VWA5B2: variants seen among roughly 807,000 people sequenced by gnomAD.
VWA5B2 encodes the protein von Willebrand factor A domain containing 5B2.
In VWA5B2, 93 loss-of-function variants were observed where a neutral mutation model predicts 118.5. The ratio of observed to expected loss-of-function variants is 0.79; its 90% CI spans 0.66 to 0.93. The LOEUF (loss-of-function observed/expected upper bound fraction) is 0.93, where lower values mean the gene tolerates loss of function less well. VWA5B2 is among the 40% of genes least tolerant of loss of function. The pLI, the probability that VWA5B2 is intolerant of heterozygous loss-of-function variation, is 0.00. For missense variants in VWA5B2, 1,546 were observed against 1,672.8 expected, an observed-to-expected ratio of 0.92 and a Z score of 1.32; for synonymous variants, 708 against 716.3, an observed-to-expected ratio of 0.99 and a Z score of 0.19.
chr3:184,236,996 C>T (rs1388294177), intron 11 of VWA5B2, among the ~76,000 whole-genome samples: 1 of 152,180 alleles, frequency 6.6e-6, no homozygotes, highest in Non-Finnish European at 1.5e-5. Flanking sequence ...AGTCTTGCCC[C>T]ATCCATGTGG....
chr3:184,233,562 A>G lies in VWA5B2; in HGVS notation c.531-14A>G, dbSNP rs1351195319. The G allele has an allele frequency of 1.2e-5, 19 of 1,548,314 alleles. No homozygotes were observed. The highest frequency in any genetic ancestry group is 1.6e-5 in the Non-Finnish European group (18 of 1,145,588). ...TCACAGTGGCCCAGTGACCCTCCTC[A>G]TGCTCCCTTCCAGCCCCACCAGCTG... is the stretch of plus-strand genomic sequence containing the variant. On this transcript the variant is annotated splice_polypyrimidine_tract_variant and intron_variant, in intron 4 of 19. Transcript: ENST00000691901. The surrounding 1 kb of genome is among the most constrained non-coding windows in gnomAD (Gnocchi z 5.2).
At chr3:184,235,107 G>A in intron 7 of VWA5B2, 46 bp from the exon 8 acceptor site, 2 of 1,536,014 alleles carry the variant, frequency 1.3e-6, no homozygotes, top group Non-Finnish European at 1.8e-6. Context: ...CCTCAACAAA[G>A]TAGCACTAAG....
At position 184,242,171 on chromosome 3, in the gene VWA5B2, C is replaced by T. The variant is rs79886161; in HGVS notation, c.*133C>T. The stretch of plus-strand genomic sequence containing the variant: ...TCCCCCACTGCTTCTTACTCCCTCC[C>T]TAGAGCCCTCTTGCCCCCACAAAAA... On this transcript the variant is annotated 3_prime_UTR_variant, in exon 20 of 20. Transcript: ENST00000691901. 87,893 of 1,189,362 alleles carry T rather than the reference C, an allele frequency of 0.074. 3,749 individuals carry two copies. Among genetic ancestry groups the T allele is most frequent in the Middle Eastern group, 0.13 (577 of 4,524 alleles). 73.7% of individuals were successfully genotyped at this position (1,189,362 alleles called of 1,614,324 possible).
At chr3:184,234,997 A>ACCTGCCTTTGCT in intron 7 of VWA5B2, 156 bp from the exon 8 acceptor site, 2 of 1,108,672 alleles carry the variant, frequency 1.8e-6, no homozygotes, top group Non-Finnish European at 2.5e-6. Context: ...GAAGACAGCC[A>ACCTGCCTTTGCT]CCTGCCTTTG....
chr3:184,231,423 ACT>A (rs1208968060), intron 3 of VWA5B2, among the ~76,000 whole-genome samples: 3 of 151,662 alleles, frequency 2.0e-5, no homozygotes, highest in Non-Finnish European at 4.4e-5. Flanking sequence ...TCCTTTCCCA[ACT>A]CTCTGCTCTG....
At position 184,239,588 on chromosome 3, in the gene VWA5B2, G is replaced by A; in HGVS notation, c.2392+5G>A. Reference sequence around the variant, plus strand: ...GACAAGGCCTGGATGACTCAGGTAAGTGTTGGATGGGGAGCTGGTTTCCCT... The same window carrying A: ...GACAAGGCCTGGATGACTCAGGTAAATGTTGGATGGGGAGCTGGTTTCCCT... On this transcript the variant is annotated splice_donor_5th_base_variant and intron_variant, in intron 15 of 19. Transcript: ENST00000691901. This position sits in a 1 kb window ranked among gnomAD's most constrained non-coding sequence, Gnocchi z 5.1. 6.6e-7 allele frequency: 1 copy of A among 1,507,096 alleles called. No individual in the cohort carries two copies. Among genetic ancestry groups the A allele is most frequent in the African/African-American group, 1.4e-5 (1 of 71,920 alleles). The allele number at this position is 1,507,096 out of a possible 1,614,324, so 93.4% of individuals were successfully genotyped here.
chr3:184,233,727 C>T lies in VWA5B2; in HGVS notation c.682C>T (p.Leu228Phe). 1 of 1,550,272 alleles carries T rather than the reference C, an allele frequency of 6.5e-7. No individual in the cohort carries two copies. Among genetic ancestry groups the T allele is most frequent in the Non-Finnish European group, 8.7e-7 (1 of 1,146,900 alleles). Reference protein sequence around the residue: ...FEMLVTGPCLLAGLESPSHAL... With the variant: ...FEMLVTGPCLFAGLESPSHAL... ...GATGCTGGTGACTGGGCCATGCCTG[C>T]TTGCAGGTGGGTGCATCTGGCTGGC... The change falls in exon 5 of 20, where the codon CTT becomes TTT. Residue 228 changes from leucine to phenylalanine, a missense_variant. Coordinates refer to ENST00000691901, the MANE Select transcript of VWA5B2 (RefSeq NM_001390846.1). The surrounding 1 kb of genome is among the most constrained non-coding windows in gnomAD (Gnocchi z 5.2).
chr3:184,242,102 G>GCTGGC lies in VWA5B2; in HGVS notation c.*67_*71dup. The GCTGGC allele has an allele frequency of 1.3e-6, 2 of 1,525,404 alleles. No homozygotes were observed. The highest frequency in any genetic ancestry group is 2.4e-5 in the South Asian group (2 of 82,084). The allele number at this position is 1,525,404 out of a possible 1,614,324, so 94.5% of individuals were successfully genotyped here. On this transcript the variant is annotated 3_prime_UTR_variant, in exon 20 of 20. Transcript: ENST00000691901. The stretch of plus-strand genomic sequence containing the variant: ...CACACTCAAGTCACTGCCGCCCAGG[G>GCTGGC]CTGGCCTCTTGGTGCTGGGAAAGTG...
chr3:184,241,614 C>T lies in VWA5B2; in HGVS notation c.3305C>T (p.Pro1102Leu). The change falls in exon 20 of 20, where the codon CCC becomes CTC. Residue 1102 changes from proline (P) to leucine (L), a missense_variant. By Grantham distance (98) the Pro-to-Leu change is moderately conservative. Coordinates refer to ENST00000691901, the MANE Select transcript of VWA5B2 (RefSeq NM_001390846.1). This position sits in a 1 kb window ranked among gnomAD's most constrained non-coding sequence, Gnocchi z 5.1. The part of the protein sequence containing the change: ...PFAVHRASLS[P>L]TSASLPWALL... ...GCCGTGCACCGCGCCAGCCTCAGCC[C>T]CACCTCGGCCTCATTGCCCTGGGCA... is the stretch of plus-strand genomic sequence containing the variant. The T allele has an allele frequency of 6.5e-7, 1 of 1,542,968 alleles. No homozygotes were observed. The highest frequency in any genetic ancestry group is 8.7e-7 in the Non-Finnish European group (1 of 1,146,570).
chr3:184,237,437 G>C lies in VWA5B2; in HGVS notation c.1719+26G>C, dbSNP rs772816033. The C allele has an allele frequency of 3.3e-6, 5 of 1,534,312 alleles. No individual in the cohort carries two copies. Among genetic ancestry groups the C allele is most frequent in the African/African-American group, 1.4e-5 (1 of 72,772 alleles). On this transcript the variant is annotated intron_variant, in intron 12 of 19. Coordinates refer to ENST00000691901, the MANE Select transcript of VWA5B2 (RefSeq NM_001390846.1). The surrounding 1 kb of genome is among the most constrained non-coding windows in gnomAD (Gnocchi z 5.6). Reference sequence around the variant, plus strand: ...GTAAGCTTGGGCTGGGGTGTGGTAGGGGGGCTAGGGTGAGGTAGGGGGGCC... The same window carrying C: ...GTAAGCTTGGGCTGGGGTGTGGTAGCGGGGCTAGGGTGAGGTAGGGGGGCC...
At chr3:184,235,129 C>G (rs768210220) in intron 7 of VWA5B2, 24 bp from the exon 8 acceptor site, 77 of 1,547,350 alleles carry the variant, frequency 5.0e-5, no homozygotes, top group Non-Finnish European at 6.4e-5. Flanking sequence ...CTTGCCCAGG[C>G]TGACTTGGGA....
chr3:184,240,034 G>A lies in VWA5B2; in HGVS notation c.2738G>A (p.Arg913Gln), dbSNP rs1460250003. The A allele has an allele frequency of 1.1e-5, 17 of 1,531,870 alleles. No individual in the cohort carries two copies. Among genetic ancestry groups the A allele is most frequent in the Middle Eastern group, 2.0e-4 (1 of 5,034 alleles). 94.9% of individuals were successfully genotyped at this position (1,531,870 alleles called of 1,614,324 possible). A position where few individuals can be genotyped will look rare whatever the true frequency, so the allele number is the denominator to read the frequency against. ...GGAGGGGCAGAGACCACAGCTGACC[G>A]GGGTGAGTTGCTCATGGGTCCAGTC... is the stretch of plus-strand genomic sequence containing the variant. The part of the protein sequence containing the change: ...LRGGAETTAD[R>Q]GHARRCWLRA... Residue 913 changes from arginine to glutamine, a missense_variant and splice_region_variant, in exon 16 of 20, where the codon CGG (arginine) becomes CAG (glutamine). This residue lies in a region of VWA5B2 where 763 missense variants were observed against 766.6 expected (regional missense o/e 1.00). Coordinates refer to ENST00000691901, the MANE Select transcript of VWA5B2 (RefSeq NM_001390846.1).
chr3:184,230,158 G>C (rs917804414), intron 1 of VWA5B2, among the ~76,000 whole-genome samples: 1 of 152,156 alleles, frequency 6.6e-6, no homozygotes, highest in Admixed American at 6.5e-5. Context: ...GGGGGCCCCG[G>C]GGGGCCGGCA....
At chr3:184,235,006 T>G in intron 7 of VWA5B2, 147 bp from the exon 8 acceptor site, 2 of 1,150,894 alleles carry the variant, frequency 1.7e-6, no homozygotes, top group Non-Finnish European at 2.4e-6. Flanking sequence ...CACCTGCCTT[T>G]GCTCCTGCCT....
rs1283274786 is a variant in VWA5B2, at chr3:184,241,491, T to G, written c.3182T>G (p.Val1061Gly). 1 of 1,553,068 alleles carries G rather than the reference T, an allele frequency of 6.4e-7. No individual in the cohort carries two copies. Among genetic ancestry groups the G allele is most frequent in the Non-Finnish European group, 8.7e-7 (1 of 1,147,954 alleles). Residue 1061 changes from valine (V) to glycine (G), a missense_variant and splice_region_variant, in exon 20 of 20, where the codon GTG becomes GGG. Physicochemically the swap from Val to Gly is moderately radical, Grantham distance 109 (BLOSUM62 -3). Around this residue, in one of 3 missense-constraint regions of VWA5B2, gnomAD observed 763 missense variants for 766.6 expected, o/e 1.00. Transcript: ENST00000691901. This position sits in a 1 kb window ranked among gnomAD's most constrained non-coding sequence, Gnocchi z 5.1. ...EGSDHDYLPL[V>G]RLQEAPGSFR... ...TCCCCCCACCTCCTCTCTCCTCAGG[T>G]GCGGCTGCAGGAGGCACCAGGCTCC...
chr3:184,242,083 CAA>C lies in VWA5B2; in HGVS notation c.*46_*47del. On this transcript the variant is annotated 3_prime_UTR_variant, in exon 20 of 20. Transcript: ENST00000691901. ...GGGCTGGCGCCCCACCCAACACACT[CAA>C]GTCACTGCCGCCCAGGGCTGGCCTC... 1 of 1,538,696 alleles carries C rather than the reference CAA, an allele frequency of 6.5e-7. No homozygotes were observed. The highest frequency in any genetic ancestry group is 8.7e-7 in the Non-Finnish European group (1 of 1,144,710).
Position 184,238,796 on chromosome 3 carries a change from T to G in VWA5B2, c.2125T>G (p.Cys709Gly). 6.5e-7 allele frequency: 1 copy of G among 1,546,764 alleles called. No homozygotes were observed. The highest frequency in any genetic ancestry group is 1.4e-5 in the African/African-American group (1 of 73,118). The change falls in exon 14 of 20, where the codon TGC becomes GGC. Residue 709 changes from cysteine to glycine, a missense_variant. By Grantham distance (159) the Cys-to-Gly change is radical (BLOSUM62 -3). This residue lies in a region of VWA5B2 where 763 missense variants were observed against 766.6 expected (regional missense o/e 1.00). Transcript: ENST00000691901. The surrounding 1 kb of genome is among the most constrained non-coding windows in gnomAD (Gnocchi z 5.0). ...CTTGGAGCCCCCTTCTCAGCAGGGC[T>G]GCCGCAGTCTGGCCTGGGGAGAACC... ...APLEPPSQQGCRSLAWGEPAG... is the reference protein window; with the variant it reads ...APLEPPSQQGGRSLAWGEPAG...
At chr3:184,229,904 C>A (rs1199688309) in intron 1 of VWA5B2, among the ~76,000 whole-genome samples, 191 bp downstream of exon 1, 1 of 152,160 alleles carries the variant, frequency 6.6e-6, no homozygotes, top group Non-Finnish European at 1.5e-5. Flanking sequence ...CTCCCAAAGA[C>A]CCCCTCTTTT....
In VWA5B2 at chr3:184,233,521, G is replaced by A. The variant is rs1717631811; in HGVS notation, c.531-55G>A. On this transcript the variant is annotated intron_variant, in intron 4 of 19. Coordinates refer to ENST00000691901, the MANE Select transcript of VWA5B2 (RefSeq NM_001390846.1). This position sits in a 1 kb window ranked among gnomAD's most constrained non-coding sequence, Gnocchi z 5.2. ...AGGAAGGGCTGGGGCCAGTCAGCCG[G>A]AGGGTTTAGGGGCCTTCACAGTGGC... 1 of 1,527,662 alleles carries A rather than the reference G, an allele frequency of 6.5e-7. No homozygotes were observed. Among genetic ancestry groups the A allele is most frequent in the Admixed American group, 2.1e-5 (1 of 48,662 alleles). 94.6% of individuals were successfully genotyped at this position (1,527,662 alleles called of 1,614,324 possible). A position where few individuals can be genotyped will look rare whatever the true frequency, so the allele number is the denominator to read the frequency against.
Sources: allele counts gnomAD v4.1 joint callset (sites outside exome capture counted in the v4.1 genomes callset), GRCh38; gene constraint gnomAD v4.1.1; regional missense constraint gnomAD v4.1.1; non-coding constraint Gnocchi (gnomAD v3.1); transcripts MANE v1.5; gene names NCBI Gene and HGNC (gene_info 2026-07-23, HGNC 2026-07-21).